Variants in TPCN1 observed in about 807,000 individuals in gnomAD.
TPCN1 encodes the protein two pore channel protein 1.
In TPCN1, 52 loss-of-function variants were observed where a neutral mutation model predicts 108.8. The ratio of observed to expected loss-of-function variants is 0.48; its 90% CI spans 0.38 to 0.60. TPCN1 has a LOEUF of 0.60. Among genes scored for constraint, TPCN1 ranks in the 20% least tolerant of loss-of-function variants. TPCN1 has a pLI of 0.00. For missense variants in TPCN1, 806 were observed against 1,072.8 expected (o/e 0.75, Z 3.47); for synonymous variants, 446 against 433.7 (o/e 1.03, Z -0.35).
In TPCN1 at chr12:113,284,799, C is replaced by G. The variant is rs779131227; in HGVS notation, c.1453+28C>G. The G allele has an allele frequency of 3.1e-6, 5 of 1,613,088 alleles. No individual in the cohort carries two copies. Among genetic ancestry groups the G allele is most frequent in the Non-Finnish European group, 4.2e-6 (5 of 1,179,036 alleles). On this transcript the variant is annotated intron_variant, in intron 17 of 27. Coordinates refer to ENST00000335509, the MANE Select transcript of TPCN1 (RefSeq NM_017901.6). This position sits in a 1 kb window ranked among gnomAD's most constrained non-coding sequence, Gnocchi z 4.1. The stretch of plus-strand genomic sequence containing the variant: ...ACGTTTCCGACATGGCTTTGCTGGA[C>G]TGCTTGTTTTAAAATTGTCTGGGAG...
intron 1 of TPCN1, among the ~76,000 whole-genome samples, chr12:113,222,470 C>CCTGG (rs1953278179): frequency 6.6e-6 from 1 of 152,172 alleles, no homozygotes; most frequent in Non-Finnish European, 1.5e-5. Context: ...CAGTGGCATA[C>CCTGG]CTGGACTCCA....
chr12:113,241,430 G>C (rs1954121216), intron 2 of TPCN1, among the ~76,000 whole-genome samples: 1 of 152,232 alleles, frequency 6.6e-6, no homozygotes, highest in South Asian at 2.1e-4. Context: ...CAGCCCCCAG[G>C]TGTTTCTGGT....
chr12:113,260,649 A>T (rs1954995808), intron 3 of TPCN1, among the ~76,000 whole-genome samples, 157 bp downstream of exon 3: 1 of 152,082 alleles, frequency 6.6e-6, no homozygotes, highest in Non-Finnish European at 1.5e-5. Flanking sequence ...GGCTGACCTG[A>T]CTGTGCTCAT....
rs1953728295 is a variant in TPCN1, at chr12:113,232,561, A to G, written c.112+5597A>G. Among the ~76,000 whole-genome samples, 1 of 152,260 alleles carries G rather than the reference A, an allele frequency of 6.6e-6. No individual in the cohort carries two copies. On this transcript the variant is annotated intron_variant, in intron 2 of 27. Coordinates refer to ENST00000335509, the MANE Select transcript of TPCN1 (RefSeq NM_017901.6). This position sits in a 1 kb window ranked among gnomAD's most constrained non-coding sequence, Gnocchi z 5.6. ...GCCCCAGCATACTTGCCAAAGAGTG[A>G]AGAAGCCCAAGGGGCTTGCACAGCT...
chr12:113,221,517 G>T lies in TPCN1; in HGVS notation c.-235G>T. The T allele has an allele frequency of 3.4e-6, 1 of 290,032 alleles. No individual in the cohort carries two copies. Among genetic ancestry groups the T allele is most frequent in the Non-Finnish European group, 7.0e-6 (1 of 143,336 alleles). 18.0% of individuals were successfully genotyped at this position (290,032 alleles called of 1,614,324 possible). A position where few individuals can be genotyped will look rare whatever the true frequency, so the allele number is the denominator to read the frequency against. ...GGCTGAAGTGGCGGCGGCTTCGGCGGCTGCGGCGGCTGCAACAGCTTCGGG... is the reference window on the plus strand; with the variant it reads ...GGCTGAAGTGGCGGCGGCTTCGGCGTCTGCGGCGGCTGCAACAGCTTCGGG... On this transcript the variant is annotated 5_prime_UTR_variant, in exon 1 of 28. Coordinates refer to ENST00000335509, the MANE Select transcript of TPCN1 (RefSeq NM_017901.6).
chr12:113,226,083 T>A (rs1463976159), intron 1 of TPCN1, among the ~76,000 whole-genome samples: 1 of 151,192 alleles, frequency 6.6e-6, no homozygotes, highest in Non-Finnish European at 1.5e-5. Context: ...CAACCAGCTT[T>A]TTTTTTTTTT....
Position 113,296,238 on chromosome 12 carries a change from T to C in TPCN1, c.*162T>C. On this transcript the variant is annotated 3_prime_UTR_variant, in exon 28 of 28. Coordinates refer to ENST00000335509, the MANE Select transcript of TPCN1 (RefSeq NM_017901.6). ...GATGGGGCTTGGTTTATAACCACCT[T>C]GCCCTGTCTTCCTTAACTCCAGAAG... 1 of 1,167,792 alleles carries C rather than the reference T, an allele frequency of 8.6e-7. No homozygotes were observed. The highest frequency in any genetic ancestry group is 1.2e-6 in the Non-Finnish European group (1 of 860,776). 72.3% of individuals were successfully genotyped at this position (1,167,792 alleles called of 1,614,324 possible).
At chr12:113,276,380 C>T (rs553777200) in intron 10 of TPCN1, among the ~76,000 whole-genome samples, 1 of 152,298 alleles carries the variant, frequency 6.6e-6, no homozygotes, top group African/African-American at 2.4e-5. Flanking sequence ...ACGTTATTTC[C>T]TTGCATGCAG....
Position 113,223,666 on chromosome 12 carries a change from C to T in TPCN1, c.-126+2040C>T, listed in dbSNP as rs184301034. Among the ~76,000 whole-genome samples, 15 of 152,316 alleles carry T rather than the reference C, an allele frequency of 9.8e-5. No homozygotes were observed. The East Asian group carries it at 2.3e-3, about 23-fold the overall frequency. On this transcript the variant is annotated intron_variant, in intron 1 of 27. Coordinates refer to ENST00000335509, the MANE Select transcript of TPCN1 (RefSeq NM_017901.6). ...TCAAGTGATTCTCCTGCTTCAGGCT[C>T]CCCAGTAGCTGGGATTACAGGCATG...
At chr12:113,247,030 G>A (rs1954421942) in intron 2 of TPCN1, among the ~76,000 whole-genome samples, 1 of 152,170 alleles carries the variant, frequency 6.6e-6, no homozygotes, top group African/African-American at 2.4e-5. Flanking sequence ...TCAGAACAAG[G>A]CACCAGGCCA....
At chr12:113,228,391 G>T (rs1037816428) in intron 2 of TPCN1, among the ~76,000 whole-genome samples, 1 of 152,228 alleles carries the variant, frequency 6.6e-6, no homozygotes, top group Non-Finnish European at 1.5e-5. Context: ...AAGATCACTT[G>T]AGCCCAGTGA....
rs755865185 is a variant in TPCN1 at position 113,280,147 on chromosome 12, A to G, written c.1298-4A>G. 6.3e-7 allele frequency: 1 copy of G among 1,598,698 alleles called. No homozygotes were observed. Among genetic ancestry groups the G allele is most frequent in the South Asian group, 1.1e-5 (1 of 90,322 alleles). On this transcript the variant is annotated splice_polypyrimidine_tract_variant and splice_region_variant and intron_variant, in intron 14 of 27. Coordinates refer to ENST00000335509, the MANE Select transcript of TPCN1 (RefSeq NM_017901.6). ...ACATTTTAACTTGTCTTTTCTTCAA[A>G]TAGGTATTAATATCCTTGTGAAGTC...
Position 113,287,203 on chromosome 12 carries a change from G to C in TPCN1, c.1634+109G>C, listed in dbSNP as rs151241969. ...AATGAGCCAGAAGGTTCACAAGCCA[G>C]AGTCACAGATGTCACCCCCTGGAGA... On this transcript the variant is annotated intron_variant, in intron 19 of 27. Transcript: ENST00000335509. The C allele has an allele frequency of 2.2e-4, 197 of 894,722 alleles. 1 individual carries two copies. In the African/African-American group the frequency reaches 2.7e-3, roughly 12 times the overall value. 55.4% of individuals were successfully genotyped at this position (894,722 alleles called of 1,614,324 possible).
intron 2 of TPCN1, among the ~76,000 whole-genome samples, chr12:113,241,087 A>G (rs1242859088): frequency 2.6e-5 from 4 of 152,004 alleles, no homozygotes; most frequent in Non-Finnish European, 4.4e-5. Context: ...CTTGATTTCC[A>G]TTGTATTTTC....
At chr12:113,274,314 G>A (rs1038529378) in intron 10 of TPCN1, among the ~76,000 whole-genome samples, 1 of 152,074 alleles carries the variant, frequency 6.6e-6, no homozygotes, top group Non-Finnish European at 1.5e-5. Flanking sequence ...TGGGCGTGGT[G>A]GTGGGTGCCT....
At chr12:113,258,370 G>C (rs1954899748) in intron 2 of TPCN1, among the ~76,000 whole-genome samples, 1 of 152,164 alleles carries the variant, frequency 6.6e-6, no homozygotes, top group African/African-American at 2.4e-5. Context: ...GGAGGCTGAG[G>C]TGGGAGAATC....
chr12:113,278,247 TCTC>T lies in TPCN1; in HGVS notation c.1233+11_1233+13del, dbSNP rs780900587. ...TGCTTTGAAGTGGAAGGTGAGTTCT[TCTC>T]TGAGACCATAGAAGGAGTAGACAGA... On this transcript the variant is annotated intron_variant, in intron 13 of 27. Transcript: ENST00000335509. The T allele has an allele frequency of 3.7e-6, 6 of 1,613,512 alleles. No homozygotes were observed. The South Asian group carries it at 6.6e-5, about 18-fold the overall frequency.
At chr12:113,227,183 T>C (rs941711837) in intron 2 of TPCN1, among the ~76,000 whole-genome samples, 2 of 152,224 alleles carry the variant, frequency 1.3e-5, no homozygotes, top group Admixed American at 1.3e-4. Flanking sequence ...GCTGCCCCTC[T>C]TGGTGCCCTC....
rs1955559208 is a variant in TPCN1 at position 113,273,089 on chromosome 12, C to G, written c.784-143C>G. ...GAGGCCTCTGGACTGCATGTTTGCTCTTTCCTCTGCCTCCCTCAGGGATTC... is the reference window on the plus strand; with the variant it reads ...GAGGCCTCTGGACTGCATGTTTGCTGTTTCCTCTGCCTCCCTCAGGGATTC... On this transcript the variant is annotated intron_variant, in intron 8 of 27. Transcript: ENST00000335509. This position sits in a 1 kb window ranked among gnomAD's most constrained non-coding sequence, Gnocchi z 4.0. 1 of 764,334 alleles carries G rather than the reference C, an allele frequency of 1.3e-6. No individual in the cohort carries two copies. The highest frequency in any genetic ancestry group is 2.3e-6 in the Non-Finnish European group (1 of 428,796). 47.3% of individuals were successfully genotyped at this position (764,334 alleles called of 1,614,324 possible). A position where few individuals can be genotyped will look rare whatever the true frequency, so the allele number is the denominator to read the frequency against.
Sources: gnomAD v4.1 joint callset for allele counts (sites outside exome capture counted in the v4.1 genomes callset) on GRCh38, gnomAD v4.1.1 for gene constraint, Gnocchi (gnomAD v3.1) non-coding constraint, MANE v1.5 for transcripts, NCBI Gene and HGNC (gene_info 2026-07-23, HGNC 2026-07-21) for gene names.